Variants in ARAP2 observed in about 807,000 individuals in gnomAD.
ARAP2 encodes arf-GAP with Rho-GAP domain, ANK repeat and PH domain-containing protein 2.
In ARAP2, 148 loss-of-function variants were observed where a neutral mutation model predicts 194.5. That is an observed-to-expected ratio of 0.76 (90% confidence interval 0.67 to 0.87). The LOEUF (loss-of-function observed/expected upper bound fraction) is 0.87. Among genes scored for constraint, ARAP2 ranks in the 40% least tolerant of loss-of-function variants. The probability of loss-of-function intolerance (pLI) is 0.00; values close to 1 mark genes in which losing one functional copy is unlikely to be tolerated. For missense variants in ARAP2, 2,128 were observed against 1,989.7 expected (o/e 1.07, Z -1.32); for synonymous variants, 695 against 683.5 (o/e 1.02, Z -0.26).
intron 17 of ARAP2, 111 bp downstream of exon 17, chr4:36,148,294 C>T: frequency 1.4e-6 from 1 of 740,626 alleles, no homozygotes; most frequent in South Asian, 2.3e-5. Context: ...GAAGTATGAA[C>T]TTTATTCCTA....
intron 32 of ARAP2, among the ~76,000 whole-genome samples, chr4:36,073,081 T>C (rs1216952724): frequency 1.3e-5 from 2 of 152,168 alleles, no homozygotes; most frequent in Non-Finnish European, 2.9e-5. Flanking sequence ...AAATGGCTAA[T>C]GAGTTTTGAG....
At chr4:36,144,495 T>C (rs1729144942) in intron 19 of ARAP2, among the ~76,000 whole-genome samples, 1 of 151,774 alleles carries the variant, frequency 6.6e-6, no homozygotes, top group African/African-American at 2.4e-5. Flanking sequence ...GTAACAAAAA[T>C]AAGAATCTAA....
At chr4:36,232,683 A>C (rs1751718751) in intron 1 of ARAP2, among the ~76,000 whole-genome samples, 1 of 152,186 alleles carries the variant, frequency 6.6e-6, no homozygotes. Context: ...CAAAATTATA[A>C]ACAGGCAGGT....
Position 36,158,856 on chromosome 4 carries a change from G to T in ARAP2, c.2626C>A (p.Gln876Lys). 6.3e-7 allele frequency: 1 copy of T among 1,583,332 alleles called. No homozygotes were observed. The highest frequency in any genetic ancestry group is 8.5e-7 in the Non-Finnish European group (1 of 1,171,392). Residue 876 changes from glutamine to lysine, a missense_variant, in exon 15 of 33, where the codon CAA becomes AAA. Coordinates refer to ENST00000303965, the MANE Select transcript of ARAP2 (RefSeq NM_015230.4). Reference protein sequence around the residue: ...LYHNKFSDFPQHDIHSEGVLS... With the variant: ...LYHNKFSDFPKHDIHSEGVLS... The stretch of plus-strand genomic sequence containing the variant: ...ACACCCTCGGAATGAATATCATGTT[G>T]AGGGAAATCTAGAAAAATTAAAGAA...
At chr4:36,131,162 T>G (rs962619078) in intron 20 of ARAP2, among the ~76,000 whole-genome samples, 3 of 151,668 alleles carry the variant, frequency 2.0e-5, no homozygotes, top group South Asian at 4.1e-4. Context: ...TTTCTAAGTT[T>G]CTGTCAAATC....
chr4:36,193,660 T>C lies in ARAP2; in HGVS notation c.1488-13A>G, dbSNP rs1381719630. 5 of 1,592,856 alleles carry C rather than the reference T, an allele frequency of 3.1e-6. No individual in the cohort carries two copies. The highest frequency in any genetic ancestry group is 1.2e-5 in the South Asian group (1 of 86,598). On this transcript the variant is annotated splice_polypyrimidine_tract_variant and intron_variant, in intron 6 of 32. Transcript: ENST00000303965. The stretch of plus-strand genomic sequence containing the variant: ...AAACATGCGTTTTCTGCAAAACATA[T>C]GAAATTGTTATTTTACATTCAAGTA...
intron 6 of ARAP2, among the ~76,000 whole-genome samples, chr4:36,202,034 A>G (rs1238477256): frequency 1.3e-5 from 2 of 152,222 alleles, no homozygotes; most frequent in Non-Finnish European, 2.9e-5. Context: ...CTCAAAGGAA[A>G]AAGTATAATC....
intron 1 of ARAP2, among the ~76,000 whole-genome samples, chr4:36,243,381 T>A (rs1205942724): frequency 1.4e-5 from 1 of 72,098 alleles, no homozygotes; most frequent in African/African-American, 8.0e-5. Flanking sequence ...AGGACAAGCT[T>A]GCAAAAAAAA....
chr4:36,023,686 AG>A (rs1200264715), intron 5 of ARAP2, among the ~76,000 whole-genome samples: 1 of 152,202 alleles, frequency 6.6e-6, no homozygotes, highest in African/African-American at 2.4e-5. Flanking sequence ...GAATTTCAGC[AG>A]TGAACTCGAC....
At chr4:36,027,006 T>C (rs145086225) in intron 5 of ARAP2, among the ~76,000 whole-genome samples, 100 of 152,348 alleles carry the variant, frequency 6.6e-4, no homozygotes, top group African/African-American at 2.3e-3. Flanking sequence ...GTTGTCTTGC[T>C]TTGCCTGTAT....
In ARAP2 at chr4:36,207,685, G is replaced by C. The variant is rs187669625; in HGVS notation, c.1487+2705C>G. Among the ~76,000 whole-genome samples, 3 of 152,170 alleles carry C rather than the reference G, an allele frequency of 2.0e-5. No individual in the cohort carries two copies. In the East Asian group the frequency reaches 5.8e-4, roughly 29 times the overall value. ...ACAGTTTCAAACACTATTTGAAAAA[G>C]TATAAACTAGAATGTGTCTGTTAGT... On this transcript the variant is annotated intron_variant, in intron 6 of 32. Transcript: ENST00000303965.
intron 5 of ARAP2, among the ~76,000 whole-genome samples, chr4:36,044,144 G>C (rs753503005): frequency 6.6e-6 from 1 of 152,110 alleles, no homozygotes; most frequent in Non-Finnish European, 1.5e-5. Context: ...AAGTGAAAAA[G>C]GATGTGGAAA....
chr4:36,045,483 A>C (rs958173386), intron 5 of ARAP2, among the ~76,000 whole-genome samples: 1 of 152,164 alleles, frequency 6.6e-6, no homozygotes, highest in African/African-American at 2.4e-5. Flanking sequence ...GTGGAATATA[A>C]AAAAGTTGAA....
In ARAP2 at chr4:36,093,178, G is replaced by C. The variant is rs200448204; in HGVS notation, c.4286-1158C>G. 2.0e-5 allele frequency among the ~76,000 whole-genome samples: 3 copies of C among 151,918 alleles called. No individual in the cohort carries two copies. In the East Asian group the frequency reaches 5.8e-4, roughly 29 times the overall value. ...ATGAGAACACGTGGACACATAGAGGGGAACAACACACACTGGGGCCTATTG... is the reference window on the plus strand; with the variant it reads ...ATGAGAACACGTGGACACATAGAGGCGAACAACACACACTGGGGCCTATTG... On this transcript the variant is annotated intron_variant, in intron 27 of 32. Transcript: ENST00000303965.
In ARAP2 at chr4:36,114,303, T is replaced by C. The variant is rs930011957; in HGVS notation, c.4039-16A>G. On this transcript the variant is annotated splice_polypyrimidine_tract_variant and intron_variant, in intron 25 of 32. Coordinates refer to ENST00000303965, the MANE Select transcript of ARAP2 (RefSeq NM_015230.4). ...CAGGAGATATCTGTAAGAGAAGTAA[T>C]ATTTTTTCAAAAAACGTGTTAGACA... is the stretch of plus-strand genomic sequence containing the variant. The C allele has an allele frequency of 6.6e-7, 1 of 1,514,280 alleles. No homozygotes were observed. The highest frequency in any genetic ancestry group is 9.1e-7 in the Non-Finnish European group (1 of 1,104,526). The allele number at this position is 1,514,280 out of a possible 1,614,324, so 93.8% of individuals were successfully genotyped here. A position where few individuals can be genotyped will look rare whatever the true frequency, so the allele number is the denominator to read the frequency against.
chr4:36,212,720 A>G (rs2109278737), intron 4 of ARAP2, among the ~76,000 whole-genome samples: 1 of 152,082 alleles, frequency 6.6e-6, no homozygotes, highest in South Asian at 2.1e-4. Flanking sequence ...AATTCAAGTA[A>G]GAATAAAAGA....
intron 15 of ARAP2, among the ~76,000 whole-genome samples, chr4:36,154,611 T>C (rs1373286472): frequency 2.0e-5 from 3 of 151,944 alleles, no homozygotes; most frequent in Non-Finnish European, 4.4e-5. Flanking sequence ...GAACACTAAA[T>C]TGAAAAGGAA....
rs370161115 is a variant in ARAP2 at position 36,187,462 on chromosome 4, A to C, written c.1667T>G (p.Val556Gly). ...VTTQRTFVFR[V>G]EKEEERNDWI... is the part of the protein sequence containing the mutation. The stretch of plus-strand genomic sequence containing the variant: ...ATAAATAATCTCACCTTCTTTTTCT[A>C]CTCTAAAAACAAAAGTTCTTTGTGT... Residue 556 changes from valine (V) to glycine (G), a missense_variant, in exon 8 of 33, where the codon GTA becomes GGA. By Grantham distance (109) the Val-to-Gly change is moderately radical (BLOSUM62 -3). Coordinates refer to ENST00000303965, the MANE Select transcript of ARAP2 (RefSeq NM_015230.4). The C allele has an allele frequency of 1.1e-5, 16 of 1,426,046 alleles. No individual in the cohort carries two copies. The highest frequency in any genetic ancestry group is 1.5e-5 in the Non-Finnish European group (16 of 1,054,136). The allele number at this position is 1,426,046 out of a possible 1,614,324, so 88.3% of individuals were successfully genotyped here.
intron 31 of ARAP2, among the ~76,000 whole-genome samples, chr4:36,075,052 C>T (rs1352560879): frequency 6.6e-6 from 1 of 152,010 alleles, no homozygotes; most frequent in Non-Finnish European, 1.5e-5. Flanking sequence ...GTTATAGCTT[C>T]ACATTATTTT....
Sources: allele counts gnomAD v4.1 joint callset (sites outside exome capture counted in the v4.1 genomes callset), GRCh38; gene constraint gnomAD v4.1.1; transcripts MANE v1.5; gene names NCBI Gene and HGNC (gene_info 2026-07-23, HGNC 2026-07-21).